TMEM198: variants seen among roughly 807,000 people sequenced by gnomAD.
TMEM198 encodes transmembrane protein 198.
A neutral mutation model predicts 31.5 loss-of-function variants in TMEM198; 21 were observed. The observed-to-expected ratio is 0.67, with a 90% CI of 0.47 to 0.96. The LOEUF (loss-of-function observed/expected upper bound fraction) is 0.96. Ranked by LOEUF, TMEM198 falls within the 40% of genes least tolerant of loss-of-function variation. TMEM198 has a pLI of 0.00. For missense variants in TMEM198, 447 were observed against 499.4 expected, an observed-to-expected ratio of 0.89 and a Z score of 1.00; for synonymous variants, 211 against 223.3, an observed-to-expected ratio of 0.95 and a Z score of 0.49.
chr2:219,545,305 G>T (rs1263305412), intron 2 of TMEM198, among the ~76,000 whole-genome samples: 1 of 152,206 alleles, frequency 6.6e-6, no homozygotes, highest in Admixed American at 6.5e-5. Flanking sequence ...ATTACACATG[G>T]TCCCTTACCA....
intron 2 of TMEM198, among the ~76,000 whole-genome samples, chr2:219,546,317 A>G (rs1559126430): frequency 6.6e-6 from 1 of 152,150 alleles, no homozygotes; most frequent in Non-Finnish European, 1.5e-5. Context: ...TAATGGCCCT[A>G]TAACCTCCTT....
At chr2:219,546,554 T>C (rs555478364) in intron 2 of TMEM198, among the ~76,000 whole-genome samples, 1 of 152,332 alleles carries the variant, frequency 6.6e-6, no homozygotes, top group Admixed American at 6.5e-5. Context: ...ATTCCTTGTT[T>C]TGGTCTCAGT....
At chr2:219,547,314 A>C (rs563635650) in intron 2 of TMEM198, 192 bp from the exon 3 acceptor site, 28 of 466,792 alleles carry the variant, frequency 6.0e-5, no homozygotes, top group African/African-American at 1.2e-4. Context: ...CAACAGCCAT[A>C]TCTCTCTAAC....
intron 1 of TMEM198, 75 bp downstream of exon 1, chr2:219,544,452 G>T (rs1444106265): frequency 1.8e-6 from 1 of 569,248 alleles, no homozygotes; most frequent in Non-Finnish European, 3.3e-6. Context: ...CTGGCAGCAC[G>T]CTCCCTTCAT....
intron 4 of TMEM198, 109 bp from the exon 5 acceptor site, chr2:219,549,608 G>C (rs1695496172): frequency 6.6e-7 from 1 of 1,512,378 alleles, no homozygotes. Context: ...TGTGGACTCT[G>C]GGTCTATGGC....
At chr2:219,548,248 C>T (rs1370678829) in intron 3 of TMEM198, among the ~76,000 whole-genome samples, 167 bp downstream of exon 3, 3 of 152,150 alleles carry the variant, frequency 2.0e-5, no homozygotes, top group Non-Finnish European at 4.4e-5. Flanking sequence ...ATCATTCATT[C>T]CACAACAACA....
At chr2:219,545,031 T>C (rs1695364032) in intron 2 of TMEM198, 138 bp downstream of exon 2, 3 of 1,141,414 alleles carry the variant, frequency 2.6e-6, no homozygotes, top group Admixed American at 2.8e-5. Flanking sequence ...CATTTATAGA[T>C]TGTCTAGACT....
chr2:219,547,159 G>T, intron 2 of TMEM198: 1 of 205,444 alleles, frequency 4.9e-6, no homozygotes. Context: ...GGACCCCAGT[G>T]ACTTCTCTCT....
In TMEM198 at chr2:219,544,794, G is replaced by A. The variant is rs1695357341; in HGVS notation, c.67G>A (p.Gly23Ser). 1 of 1,614,182 alleles carries A rather than the reference G, an allele frequency of 6.2e-7. No individual in the cohort carries two copies. The highest frequency in any genetic ancestry group is 8.5e-7 in the Non-Finnish European group (1 of 1,180,038). The change falls in exon 2 of 5, where the codon GGT (glycine) becomes AGT (serine). Residue 23 changes from glycine (G) to serine (S), a missense_variant. Gly to Ser is a moderately conservative substitution (Grantham distance 56). Transcript: ENST00000373883. ...CCCTGAGCCAGATGATGCCTTCTGG[G>A]GTGCACCTTGTGAACAGCCCCTGGA... ...LPPEPDDAFW[G>S]APCEQPLERR... is the part of the protein sequence containing the mutation.
rs201084315 is a variant in TMEM198, at chr2:219,547,557, C to T, written c.218C>T (p.Ser73Leu). ...VLFLTGLLFG[S>L]VVIFLLCYRE... ...TTTCTCACTGGGTTGCTGTTTGGCT[C>T]GGTGGTCATCTTCCTCCTCTGCTAC... Residue 73 changes from serine (S) to leucine (L), a missense_variant, in exon 3 of 5, where the codon TCG becomes TTG. Ser to Leu is a moderately radical substitution (Grantham distance 145). Coordinates refer to ENST00000373883, the MANE Select transcript of TMEM198 (RefSeq NM_001005209.3). 2.6e-4 allele frequency: 374 copies of T among 1,464,900 alleles called. 1 individual carries two copies. The highest frequency in any genetic ancestry group is 5.6e-4 in the Middle Eastern group (3 of 5,354). 90.7% of individuals were successfully genotyped at this position (1,464,900 alleles called of 1,614,324 possible).
Position 219,547,955 on chromosome 2 carries a change from C to A in TMEM198, c.616C>A (p.Arg206=), listed in dbSNP as rs146753639. ...GGGGCGCTACGTGGTGGAGCGACTC[C>A]GGGCTGCTCCTGTGCCCCCACTCTG... ...LLGRYVVERL[R]AAPVPPLCWR... Residue 206 remains arginine (R), a synonymous_variant, in exon 3 of 5, where the codon CGG becomes AGG. Coordinates refer to ENST00000373883, the MANE Select transcript of TMEM198 (RefSeq NM_001005209.3). 15 of 1,590,038 alleles carry A rather than the reference C, an allele frequency of 9.4e-6. No individual in the cohort carries two copies. The South Asian group carries it at 1.5e-4, about 15-fold the overall frequency.
At chr2:219,548,979 A>G in intron 3 of TMEM198, 173 bp from the exon 4 acceptor site, 1 of 656,516 alleles carries the variant, frequency 1.5e-6, no homozygotes, top group South Asian at 1.9e-5. Context: ...CAACAGCGGG[A>G]AGTCTCCTCT....
chr2:219,543,693 C>G (rs555212430), upstream of TMEM198: 1 of 488,640 alleles, frequency 2.0e-6, no homozygotes, highest in Non-Finnish European at 3.3e-6. Flanking sequence ...GCGGCCCGAG[C>G]CGAATCCCCG....
At position 219,549,952 on chromosome 2, in the gene TMEM198, C is replaced by G. The variant is rs994345861; in HGVS notation, c.*98C>G. 5.3e-6 allele frequency: 8 copies of G among 1,504,098 alleles called. No homozygotes were observed. Among genetic ancestry groups the G allele is most frequent in the Non-Finnish European group, 7.2e-6 (8 of 1,107,332 alleles). The allele number at this position is 1,504,098 out of a possible 1,614,324, so 93.2% of individuals were successfully genotyped here. A position where few individuals can be genotyped will look rare whatever the true frequency, so the allele number is the denominator to read the frequency against. ...GCCTCCTGGCTTTGGCTGTCCCTCT[C>G]CCCAGCCTGGAGAGGGCTGGCCTGG... is the stretch of plus-strand genomic sequence containing the variant. On this transcript the variant is annotated 3_prime_UTR_variant, in exon 5 of 5. Transcript: ENST00000373883.
At position 219,547,684 on chromosome 2, in the gene TMEM198, C is replaced by T. The variant is rs200927556; in HGVS notation, c.345C>T (p.Ser115=). The change falls in exon 3 of 5, where the codon AGC becomes AGT. Residue 115 remains serine, a synonymous_variant. Transcript: ENST00000373883. ...GGCTGGTGGCCATGCTAGTGCGCAG[C>T]GTGGGCCTCTTCCTGGTGGGGCTGC... The part of the protein sequence containing the change: ...LCGLVAMLVR[S]VGLFLVGLLL... The T allele has an allele frequency of 1.2e-5, 19 of 1,561,050 alleles. No homozygotes were observed. Among genetic ancestry groups the T allele is most frequent in the Admixed American group, 8.8e-5 (5 of 56,778 alleles).
At position 219,549,231 on chromosome 2, in the gene TMEM198, A is replaced by G; in HGVS notation, c.822A>G (p.Lys274=). ...QQEDRKEKRR[K]KRPPRAPLRG... ...AAGATCGCAAGGAGAAAAGGCGGAA[A>G]AAGAGACCTCCTCGGGCTCCCCTCA... The change falls in exon 4 of 5, where the codon AAA becomes AAG. Residue 274 remains lysine (K), a synonymous_variant. Transcript: ENST00000373883. 6.2e-7 allele frequency: 1 copy of G among 1,614,040 alleles called. No individual in the cohort carries two copies. The highest frequency in any genetic ancestry group is 8.5e-7 in the Non-Finnish European group (1 of 1,180,038).
chr2:219,549,269 C>A lies in TMEM198; in HGVS notation c.860C>A (p.Ala287Asp). Residue 287 changes from alanine (A) to aspartate (D), a missense_variant, in exon 4 of 5, where the codon GCT becomes GAT. Ala to Asp is a moderately radical substitution (Grantham distance 126). Transcript: ENST00000373883. ...PPRAPLRGPRAPPRPGPPDPA... is the reference protein window; with the variant it reads ...PPRAPLRGPRDPPRPGPPDPA... ...CGGGCTCCCCTCAGAGGTCCCCGGG[C>A]TCCTCCCAGGCCTGGGCCACCAGAC... is the stretch of plus-strand genomic sequence containing the variant. 1 of 1,613,960 alleles carries A rather than the reference C, an allele frequency of 6.2e-7. No individual in the cohort carries two copies. Among genetic ancestry groups the A allele is most frequent in the Non-Finnish European group, 8.5e-7 (1 of 1,180,036 alleles).
intron 2 of TMEM198, 108 bp from the exon 3 acceptor site, chr2:219,547,398 T>A: frequency 1.1e-6 from 1 of 883,922 alleles, no homozygotes; most frequent in Non-Finnish European, 1.6e-6. Context: ...GATCTTAGTG[T>A]CTTTGTCTCT....
In TMEM198 at chr2:219,544,889, C is replaced by A. The variant is rs1210456206; in HGVS notation, c.162C>A (p.Phe54Leu). 3.1e-6 allele frequency: 5 copies of A among 1,613,686 alleles called. No individual in the cohort carries two copies. Among genetic ancestry groups the A allele is most frequent in the African/African-American group, 2.7e-5 (2 of 74,934 alleles). ...MCCLFGVVYC[F>L]FGYRCFKAVL... ...GTTTGTTTGGAGTCGTCTACTGCTT[C>A]TTCGGTGAGATCCCCATCTCATCCC... Residue 54 changes from phenylalanine (F) to leucine (L), a missense_variant, in exon 2 of 5, where the codon TTC (phenylalanine) becomes TTA (leucine). Transcript: ENST00000373883.
Sources: allele counts gnomAD v4.1 joint callset (sites outside exome capture counted in the v4.1 genomes callset), GRCh38; gene constraint gnomAD v4.1.1; transcripts MANE v1.5; gene names NCBI Gene and HGNC (gene_info 2026-07-23, HGNC 2026-07-21).